RUNX2: variants seen among roughly 807,000 people sequenced by gnomAD.
RUNX2 encodes the protein runt-related transcription factor 2.
RUNX2 carries 10 observed loss-of-function variants against 51.7 expected under a neutral mutation model. The ratio of observed to expected loss-of-function variants is 0.19; its 90% confidence interval spans 0.12 to 0.33. RUNX2 has a LOEUF of 0.33. Ranked by LOEUF, RUNX2 falls within the 10% of genes least tolerant of loss-of-function variation. The probability of loss-of-function intolerance (pLI) is 1.00; values close to 1 mark genes in which losing one functional copy is unlikely to be tolerated. For synonymous variants in RUNX2, 276 were observed against 273.6 expected (o/e 1.01, Z -0.09); for missense variants, 562 against 691.3 (o/e 0.81, Z 2.10).
intron 3 of RUNX2, among the ~76,000 whole-genome samples, chr6:45,426,793 G>A (rs1225650663): frequency 2.0e-5 from 3 of 152,120 alleles, no homozygotes; most frequent in African/African-American, 7.2e-5. Flanking sequence ...AAATGACAGA[G>A]CAATTTCTGT....
intron 5 of RUNX2, among the ~76,000 whole-genome samples, chr6:45,458,899 C>G (rs571630306): frequency 6.6e-6 from 1 of 152,336 alleles, no homozygotes; most frequent in East Asian, 1.9e-4. Context: ...GGTCCACAAT[C>G]TGTCCTCTTG....
At chr6:45,351,428 G>C (rs961541292) in intron 2 of RUNX2, among the ~76,000 whole-genome samples, 4 of 152,102 alleles carry the variant, frequency 2.6e-5, no homozygotes, top group Non-Finnish European at 4.4e-5. Context: ...GTGAGGAAGA[G>C]AGAAAAATAA....
At chr6:45,485,706 T>TATATATATATATATATATATATAC (rs1800262964) in intron 5 of RUNX2, among the ~76,000 whole-genome samples, 1 of 133,968 alleles carries the variant, frequency 7.5e-6, no homozygotes, top group Non-Finnish European at 1.7e-5. Flanking sequence ...TGTATATATA[T>TATATATATATATATATATATATAC]ATATATATAT....
intron 2 of RUNX2, among the ~76,000 whole-genome samples, chr6:45,376,267 T>C (rs77934227): frequency 0.031 from 4,701 of 152,290 alleles, 92 homozygotes; most frequent in Non-Finnish European, 0.047. Context: ...TGAATATAAT[T>C]ACAATTCCCT....
chr6:45,415,331 A>G lies in RUNX2; in HGVS notation c.59-7262A>G, dbSNP rs543833626. On this transcript the variant is annotated intron_variant, in intron 2 of 8. Transcript: ENST00000647337. ...AGCATCCACTACCCTCAGGGCTGAA[A>G]TACAGCAACAAAGTAAGAGTCCTCC... Among the ~76,000 whole-genome samples, 13 of 152,358 alleles carry G rather than the reference A, an allele frequency of 8.5e-5. No individual in the cohort carries two copies. In the South Asian group the frequency reaches 2.5e-3, roughly 29 times the overall value.
chr6:45,348,278 T>G (rs1791295686), intron 2 of RUNX2, among the ~76,000 whole-genome samples: 1 of 152,002 alleles, frequency 6.6e-6, no homozygotes. Flanking sequence ...GCTGGATGAC[T>G]CTGGAAAGCT....
intron 5 of RUNX2, among the ~76,000 whole-genome samples, chr6:45,451,234 G>A (rs1335533366): frequency 6.6e-6 from 1 of 152,120 alleles, no homozygotes; most frequent in African/African-American, 2.4e-5. Flanking sequence ...AGGTGGAGGG[G>A]GAATGGCTTG....
intron 3 of RUNX2, among the ~76,000 whole-genome samples, chr6:45,423,620 G>A (rs1798298299): frequency 6.6e-6 from 1 of 152,224 alleles, no homozygotes; most frequent in African/African-American, 2.4e-5. Flanking sequence ...GTGGGGTGCT[G>A]ACTGAGGCGC....
At chr6:45,404,714 A>G (rs1563071382) in intron 2 of RUNX2, among the ~76,000 whole-genome samples, 1 of 152,276 alleles carries the variant, frequency 6.6e-6, no homozygotes, top group Non-Finnish European at 1.5e-5. Flanking sequence ...CCAAAAAAGT[A>G]TATTAGATTT....
chr6:45,346,007 T>C (rs16873348), intron 2 of RUNX2, among the ~76,000 whole-genome samples: 17,216 of 152,094 alleles, frequency 0.11, 1,371 homozygotes, highest in East Asian at 0.26. Context: ...TACCTACAAA[T>C]CTCTACAGGG....
chr6:45,549,474 A>C lies in RUNX2; in HGVS notation c.*2169A>C. ...TTTGCCTTCTAAAGGCCGTATACCA[A>C]GTATGCTTAGATAAATAAGCCACTT... On this transcript the variant is annotated 3_prime_UTR_variant, in exon 9 of 9. Transcript: ENST00000647337. 1 of 398,012 alleles carries C rather than the reference A, an allele frequency of 2.5e-6. No homozygotes were observed. Among genetic ancestry groups the C allele is most frequent in the Non-Finnish European group, 4.4e-6 (1 of 226,010 alleles). The allele number at this position is 398,012 out of a possible 1,614,324, so 24.7% of individuals were successfully genotyped here.
chr6:45,409,953 G>A (rs886534299), intron 2 of RUNX2, among the ~76,000 whole-genome samples: 18 of 152,170 alleles, frequency 1.2e-4, no homozygotes, highest in African/African-American at 4.1e-4. Context: ...AATTTCTGTA[G>A]CACTGATGAA....
chr6:45,351,814 T>C lies in RUNX2; in HGVS notation c.58+23030T>C, dbSNP rs76941713. Among the ~76,000 whole-genome samples the C allele has an allele frequency of 6.2e-3, 945 of 152,196 alleles. 18 individuals are homozygous for C. Among genetic ancestry groups the C allele is most frequent in the African/African-American group, 0.022 (894 of 41,538 alleles). On this transcript the variant is annotated intron_variant, in intron 2 of 8. Coordinates refer to ENST00000647337, the MANE Select transcript of RUNX2 (RefSeq NM_001024630.4). ...CTTCAAATACCTAAATTAACCCAATTATCTTTCTTTCCCAGCCCTATGCCC... is the reference window on the plus strand; with the variant it reads ...CTTCAAATACCTAAATTAACCCAATCATCTTTCTTTCCCAGCCCTATGCCC...
chr6:45,479,734 A>G (rs935461525), intron 5 of RUNX2, among the ~76,000 whole-genome samples: 57 of 152,360 alleles, frequency 3.7e-4, no homozygotes, highest in African/African-American at 1.3e-3. Flanking sequence ...TTGCTTTTGA[A>G]AAACAAAAAA....
At chr6:45,479,543 C>T (rs182989722) in intron 5 of RUNX2, among the ~76,000 whole-genome samples, 1 of 152,168 alleles carries the variant, frequency 6.6e-6, no homozygotes, top group Non-Finnish European at 1.5e-5. Context: ...CCTCTCTGTA[C>T]ACATAGGTAT....
rs944353707 is a variant in RUNX2, at chr6:45,368,589, G to C, written c.58+39805G>C. On this transcript the variant is annotated intron_variant, in intron 2 of 8. Transcript: ENST00000647337. ...CCATGAAACATCTTTAAGCTTAAAA[G>C]ACCTCAAATTGTTGAGAACCTTATT... is the stretch of plus-strand genomic sequence containing the variant. Among the ~76,000 whole-genome samples the C allele has an allele frequency of 1.3e-4, 20 of 152,200 alleles. 1 individual carries two copies. In the South Asian group the frequency reaches 2.3e-3, roughly 17 times the overall value.
chr6:45,423,924 G>A (rs1798310556), intron 3 of RUNX2, among the ~76,000 whole-genome samples: 1 of 152,264 alleles, frequency 6.6e-6, no homozygotes, highest in African/African-American at 2.4e-5. Context: ...GGAGGGATGA[G>A]GGAAACCTGT....
intron 2 of RUNX2, among the ~76,000 whole-genome samples, chr6:45,347,683 A>T (rs1278562065): frequency 6.6e-6 from 1 of 152,110 alleles, no homozygotes; most frequent in East Asian, 1.9e-4. Flanking sequence ...TAATCCTGTG[A>T]GATTATTCCC....
chr6:45,378,322 A>AT (rs1178413146), intron 2 of RUNX2, among the ~76,000 whole-genome samples: 1 of 152,148 alleles, frequency 6.6e-6, no homozygotes, highest in Non-Finnish European at 1.5e-5. Flanking sequence ...CTGGAAGTTG[A>AT]TTTTCAACTC....
Sources: gnomAD v4.1 joint callset for allele counts (sites outside exome capture counted in the v4.1 genomes callset) on GRCh38, gnomAD v4.1.1 for gene constraint, MANE v1.5 for transcripts, NCBI Gene and HGNC (gene_info 2026-07-23, HGNC 2026-07-21) for gene names.